NPAT: variants seen among roughly 807,000 people sequenced by gnomAD.
NPAT encodes protein NPAT.
A neutral mutation model predicts 130.7 loss-of-function variants in NPAT; 52 were observed. The observed-to-expected ratio is 0.40, with a 90% CI of 0.32 to 0.50. The LOEUF (loss-of-function observed/expected upper bound fraction) is 0.50, where lower values mean the gene tolerates loss of function less well. NPAT is among the 20% of genes least tolerant of loss of function. NPAT has a pLI of 0.68. For missense variants in NPAT, 1,687 were observed against 1,662.6 expected, an observed-to-expected ratio of 1.01 and a Z score of -0.26; for synonymous variants, 580 against 584.8, an observed-to-expected ratio of 0.99 and a Z score of 0.12.
chr11:108,216,228 C>T (rs774054272), intron 1 of NPAT, among the ~76,000 whole-genome samples: 4 of 152,136 alleles, frequency 2.6e-5, no homozygotes, highest in Non-Finnish European at 5.9e-5. Flanking sequence ...ACCCTAGATG[C>T]CTTCAGTCAC....
At position 108,185,335 on chromosome 11, in the gene NPAT, G is replaced by C; in HGVS notation, c.819-16C>G. 1 of 1,589,498 alleles carries C rather than the reference G, an allele frequency of 6.3e-7. No homozygotes were observed. Among genetic ancestry groups the C allele is most frequent in the East Asian group, 2.2e-5 (1 of 44,530 alleles). ...ATTGTTATCACTGTTAATAAAGAAA[G>C]AAAAATCTTTATTATAGTTATGCAA... On this transcript the variant is annotated splice_polypyrimidine_tract_variant and intron_variant, in intron 9 of 17. Transcript: ENST00000278612.
intron 7 of NPAT, 105 bp from the exon 8 acceptor site, chr11:108,186,674 T>C (rs1427155898): frequency 3.2e-6 from 3 of 940,748 alleles, no homozygotes; most frequent in Non-Finnish European, 3.3e-6. Flanking sequence ...ACAGAACAGA[T>C]ACAGTTGTCC....
At chr11:108,189,686 C>T (rs189921584) in intron 5 of NPAT, among the ~76,000 whole-genome samples, 219 of 148,490 alleles carry the variant, frequency 1.5e-3, no homozygotes, top group Non-Finnish European at 2.6e-3. Context: ...CTGGCTAACA[C>T]GGTGAAACCC....
chr11:108,162,094 T>C (rs554671016), intron 16 of NPAT, 26 bp downstream of exon 16: 16 of 1,612,240 alleles, frequency 9.9e-6, no homozygotes, highest in Non-Finnish European at 1.4e-5. Context: ...TCAAACAATC[T>C]ATGATAGAAA....
chr11:108,188,047 T>C (rs1270999144), intron 7 of NPAT, 51 bp downstream of exon 7: 1 of 1,313,438 alleles, frequency 7.6e-7, no homozygotes, highest in African/African-American at 1.5e-5. Context: ...TAATTCTTTT[T>C]TTTTTTTTTT....
chr11:108,211,153 T>C (rs540184634), intron 1 of NPAT, among the ~76,000 whole-genome samples: 1 of 151,442 alleles, frequency 6.6e-6, no homozygotes, highest in South Asian at 2.1e-4. Context: ...GAGTCAGAGG[T>C]TGCAGTGAGC....
rs1257346932 is a variant in NPAT at position 108,173,529 on chromosome 11, A to T, written c.1455T>A (p.Ile485=). ...MSTETEMAIG[I]EKNSLSSNVP... ...CATTTGAAGACAAAGAGTTCTTTTC[A>T]ATCCCTATAGCCATTTCAGTTTCAG... Residue 485 remains isoleucine, a synonymous_variant, in exon 13 of 18, where the codon ATT becomes ATA. Coordinates refer to ENST00000278612, the MANE Select transcript of NPAT (RefSeq NM_002519.3). The T allele has an allele frequency of 6.2e-7, 1 of 1,614,180 alleles. No individual in the cohort carries two copies. The highest frequency in any genetic ancestry group is 2.2e-5 in the East Asian group (1 of 44,872).
intron 13 of NPAT, 159 bp downstream of exon 13, chr11:108,172,040 G>T: frequency 1.5e-6 from 1 of 658,384 alleles, no homozygotes; most frequent in South Asian, 1.8e-5. Context: ...AAAAAGGTTT[G>T]AATTAGCTAG....
intron 1 of NPAT, among the ~76,000 whole-genome samples, chr11:108,205,360 A>G (rs908410698): frequency 1.2e-4 from 19 of 152,244 alleles, no homozygotes; most frequent in Non-Finnish European, 2.6e-4. Context: ...GCTGGGGCTC[A>G]ATCGATCCTC....
chr11:108,205,498 C>T (rs1386801640), intron 1 of NPAT, among the ~76,000 whole-genome samples: 2 of 152,066 alleles, frequency 1.3e-5, no homozygotes, highest in Non-Finnish European at 1.5e-5. Flanking sequence ...GAACTCCTAG[C>T]CTCAAGCGAT....
intron 10 of NPAT, among the ~76,000 whole-genome samples, chr11:108,183,309 AAG>A (rs372834712): frequency 6.7e-6 from 1 of 149,812 alleles, no homozygotes; most frequent in Non-Finnish European, 1.5e-5. Context: ...GTGGTAAGAT[AAG>A]AGAGGTTTTT....
chr11:108,184,837 A>G (rs2078090935), intron 10 of NPAT, among the ~76,000 whole-genome samples: 1 of 152,178 alleles, frequency 6.6e-6, no homozygotes, highest in Non-Finnish European at 1.5e-5. Flanking sequence ...TGGCCCCATT[A>G]CATATCTTTA....
chr11:108,184,698 T>G (rs1252244734), intron 10 of NPAT, among the ~76,000 whole-genome samples: 3 of 152,034 alleles, frequency 2.0e-5, no homozygotes, highest in Non-Finnish European at 4.4e-5. Context: ...GCCCATATAA[T>G]TTTTGTATTT....
intron 17 of NPAT, among the ~76,000 whole-genome samples, chr11:108,159,874 C>T (rs1253827052): frequency 6.6e-6 from 1 of 151,338 alleles, no homozygotes. Context: ...AAAAAATGAC[C>T]AGGCGTGGTG....
rs1234691438 is a variant in NPAT, at chr11:108,202,430, T to C, written c.38-5010A>G. On this transcript the variant is annotated intron_variant, in intron 1 of 17. Transcript: ENST00000278612. ...CAAGAGAAATAAAACCTCAATATTC[T>C]CCTGTGGAAATAGAATGGGCCACCT... Among the ~76,000 whole-genome samples, 4 of 152,120 alleles carry C rather than the reference T, an allele frequency of 2.6e-5. No homozygotes were observed. In the East Asian group the frequency reaches 5.8e-4, roughly 22 times the overall value.
rs532703681 is a variant in NPAT, at chr11:108,198,574, C to T, written c.38-1154G>A. 8.5e-5 allele frequency among the ~76,000 whole-genome samples: 13 copies of T among 152,296 alleles called. No homozygotes were observed. The South Asian group carries it at 2.7e-3, about 32-fold the overall frequency. ...CCAAAGACAGTCTGAAGCCTGAAAA[C>T]TGGACTGCCAGTTCTGTGTAGAGCC... is the stretch of plus-strand genomic sequence containing the variant. On this transcript the variant is annotated intron_variant, in intron 1 of 17. Coordinates refer to ENST00000278612, the MANE Select transcript of NPAT (RefSeq NM_002519.3).
intron 13 of NPAT, among the ~76,000 whole-genome samples, chr11:108,170,578 A>G (rs1228197661): frequency 6.6e-6 from 1 of 152,222 alleles, no homozygotes; most frequent in Admixed American, 6.5e-5. Flanking sequence ...TACAATGTCT[A>G]CATGGTCCTC....
chr11:108,202,434 G>A (rs2078283348), intron 1 of NPAT, among the ~76,000 whole-genome samples: 1 of 152,102 alleles, frequency 6.6e-6, no homozygotes, highest in Non-Finnish European at 1.5e-5. Flanking sequence ...ATATTCTCCT[G>A]TGGAAATAGA....
Position 108,163,574 on chromosome 11 carries a change from G to C in NPAT, c.3011-1394C>G, listed in dbSNP as rs567683492. On this transcript the variant is annotated intron_variant, in intron 15 of 17. Coordinates refer to ENST00000278612, the MANE Select transcript of NPAT (RefSeq NM_002519.3). ...GGCATGTACATTTCCAAAAGTAAAG[G>C]AAAAAAATAAATTGTGACATTAACC... Among the ~76,000 whole-genome samples, 27 of 152,156 alleles carry C rather than the reference G, an allele frequency of 1.8e-4. No individual in the cohort carries two copies. In the South Asian group the frequency reaches 5.6e-3, roughly 32 times the overall value.
Sources: gnomAD v4.1 joint callset for allele counts (sites outside exome capture counted in the v4.1 genomes callset) on GRCh38, gnomAD v4.1.1 for gene constraint, MANE v1.5 for transcripts, NCBI Gene and HGNC (gene_info 2026-07-23, HGNC 2026-07-21) for gene names.